Variants in COMMD1 observed in about 807,000 individuals in gnomAD.
COMMD1 encodes the protein COMM domain-containing protein 1.
COMMD1 carries 10 observed loss-of-function variants against 17.2 expected under a neutral mutation model. That is an observed-to-expected ratio of 0.58 (90% CI 0.36 to 0.99). The LOEUF (loss-of-function observed/expected upper bound fraction) is 0.99, where lower values mean the gene tolerates loss of function less well. Among genes scored for constraint, COMMD1 ranks in the 50% least tolerant of loss-of-function variants. COMMD1 has a pLI of 0.01. For synonymous variants in COMMD1, 97 were observed against 91.6 expected (o/e 1.06, Z -0.34); for missense variants, 270 against 231.8 (o/e 1.17, Z -1.07).
At chr2:61,973,885 C>T (rs1020385434) in intron 1 of COMMD1, among the ~76,000 whole-genome samples, 1 of 152,220 alleles carries the variant, frequency 6.6e-6, no homozygotes, top group African/African-American at 2.4e-5. Flanking sequence ...ATCCCATCAT[C>T]CTATCAACAC....
At chr2:62,000,431 A>G (rs574195161) in intron 1 of COMMD1, among the ~76,000 whole-genome samples, 2 of 151,876 alleles carry the variant, frequency 1.3e-5, no homozygotes, top group Non-Finnish European at 2.9e-5. Flanking sequence ...CTGTTATTGC[A>G]TATATACCAC....
chr2:62,018,377 A>G (rs1669512714), intron 2 of COMMD1, among the ~76,000 whole-genome samples: 2 of 152,234 alleles, frequency 1.3e-5, no homozygotes, highest in Admixed American at 6.5e-5. Flanking sequence ...TAAAAGTAGT[A>G]CTTTGTTACT....
upstream of COMMD1, among the ~76,000 whole-genome samples, chr2:61,904,162 C>A (rs1393523083): frequency 1.3e-5 from 2 of 152,108 alleles, no homozygotes; most frequent in African/African-American, 4.8e-5. Context: ...AGGCGCCCGC[C>A]ACTAGGCCCG....
chr2:62,057,088 C>T (rs2103930682), intron 2 of COMMD1, among the ~76,000 whole-genome samples: 2 of 152,276 alleles, frequency 1.3e-5, no homozygotes, highest in African/African-American at 4.8e-5. Flanking sequence ...AATCCTGCAA[C>T]TAAATGGGAC....
chr2:61,960,030 G>A (rs1671297475), intron 1 of COMMD1, among the ~76,000 whole-genome samples: 1 of 152,148 alleles, frequency 6.6e-6, no homozygotes, highest in African/African-American at 2.4e-5. Context: ...CTCCAAATAA[G>A]GAATGGCATG....
intron 1 of COMMD1, among the ~76,000 whole-genome samples, chr2:61,940,041 T>G (rs1670703147): frequency 2.0e-5 from 3 of 151,946 alleles, no homozygotes; most frequent in Admixed American, 2.0e-4. Context: ...CAAGCCAATA[T>G]TCCATAACAA....
intron 2 of COMMD1, among the ~76,000 whole-genome samples, chr2:62,031,614 T>C (rs148678507): frequency 3.9e-5 from 6 of 152,362 alleles, no homozygotes; most frequent in African/African-American, 7.2e-5. Context: ...TCATCTTACA[T>C]TGGGCTCGTC....
At position 61,990,128 on chromosome 2, in the gene COMMD1, G is replaced by C. The variant is rs149947724; in HGVS notation, c.181-10573G>C. Among the ~76,000 whole-genome samples, 1,066 of 152,312 alleles carry C rather than the reference G, an allele frequency of 7.0e-3. 13 individuals are homozygous for C. The highest frequency in any genetic ancestry group is 0.02 in the Middle Eastern group (6 of 294). On this transcript the variant is annotated intron_variant, in intron 1 of 2. Transcript: ENST00000311832. ...AGCCTAGGCAAAAGCCAAGAGGATA[G>C]AGATAGAATATACACTTAAGAGCTA...
Position 62,118,416 on chromosome 2 carries a change from C to G in COMMD1, c.463-17415C>G, listed in dbSNP as rs143222389. On this transcript the variant is annotated intron_variant, in intron 2 of 2. Transcript: ENST00000311832. Reference sequence around the variant, plus strand: ...CAACTTTAGATAATAAAGCAACCTCCTATCTTCCTGTCTGTCTAACACCAC... The same window carrying G: ...CAACTTTAGATAATAAAGCAACCTCGTATCTTCCTGTCTGTCTAACACCAC... 3.3e-5 allele frequency: 5 copies of G among 152,338 alleles called. 1 individual carries two copies. Among genetic ancestry groups the G allele is most frequent in the Middle Eastern group, 6.8e-3 (2 of 294 alleles). 9.4% of individuals were successfully genotyped at this position (152,338 alleles called of 1,614,324 possible). A position where few individuals can be genotyped will look rare whatever the true frequency, so the allele number is the denominator to read the frequency against.
chr2:61,888,439 G>C, upstream of COMMD1: 2 of 1,612,410 alleles, frequency 1.2e-6, no homozygotes, highest in South Asian at 1.1e-5. Flanking sequence ...GGTCCTGATA[G>C]GCGCCTTTCC....
chr2:62,063,173 C>T (rs1419451731), intron 2 of COMMD1, among the ~76,000 whole-genome samples: 3 of 152,108 alleles, frequency 2.0e-5, no homozygotes, highest in Non-Finnish European at 2.9e-5. Flanking sequence ...GCCGAGATCG[C>T]ACCACTGCAC....
At position 61,928,441 on chromosome 2, in the gene COMMD1, G is replaced by A. The variant is rs1028244134; in HGVS notation, c.180+22583G>A. ...CTCCTAAAGTGCTGGGATTACAGGT[G>A]TGAACCACCATGCCCGGCCCAGGGA... is the stretch of plus-strand genomic sequence containing the variant. On this transcript the variant is annotated intron_variant, in intron 1 of 2. Transcript: ENST00000311832. Among the ~76,000 whole-genome samples, 3 of 152,100 alleles carry A rather than the reference G, an allele frequency of 2.0e-5. No homozygotes were observed. In the South Asian group the frequency reaches 6.2e-4, roughly 31 times the overall value.
At chr2:61,980,600 G>GT (rs1333194039) in intron 1 of COMMD1, among the ~76,000 whole-genome samples, 4 of 143,316 alleles carry the variant, frequency 2.8e-5, no homozygotes, top group Admixed American at 7.2e-5. Context: ...GGGGTTGTTT[G>GT]TTTTTTTGTT....
chr2:62,033,401 A>C (rs990237965), intron 2 of COMMD1, among the ~76,000 whole-genome samples: 2 of 152,162 alleles, frequency 1.3e-5, no homozygotes, highest in South Asian at 4.1e-4. Context: ...TTTTGGAATG[A>C]AAATGTTGAA....
chr2:61,990,352 G>A (rs1672214957), intron 1 of COMMD1, among the ~76,000 whole-genome samples: 1 of 152,248 alleles, frequency 6.6e-6, no homozygotes, highest in African/African-American at 2.4e-5. Context: ...ATTAAGCTTT[G>A]TATTTAGAGA....
At chr2:61,931,184 T>C (rs1056795828) in intron 1 of COMMD1, among the ~76,000 whole-genome samples, 2 of 151,988 alleles carry the variant, frequency 1.3e-5, no homozygotes, top group African/African-American at 4.8e-5. Context: ...TGGTGGTGCG[T>C]GCCTGTAGTC....
upstream of COMMD1, among the ~76,000 whole-genome samples, chr2:61,902,566 A>G (rs545094948): frequency 3.1e-4 from 47 of 152,284 alleles, no homozygotes; most frequent in African/African-American, 1.1e-3. Context: ...AAAATGGACA[A>G]GGAAATAGGA....
intron 1 of COMMD1, among the ~76,000 whole-genome samples, chr2:61,995,161 G>C (rs916324045): frequency 6.6e-6 from 1 of 151,988 alleles, no homozygotes; most frequent in Admixed American, 6.6e-5. Flanking sequence ...TTCCAGGCTG[G>C]TCATTGTCAA....
At chr2:61,905,527 AGCTGTAAGCTGCCAACTCTGACC>A, upstream of COMMD1, 4 of 689,828 alleles carry the variant, frequency 5.8e-6, no homozygotes, top group African/African-American at 1.8e-5. Flanking sequence ...TGCAGAGCAA[AGCTGTAAGCTGCCAACTCTGACC>A]CCTGGGGAAG....
Sources: gnomAD v4.1 joint callset for allele counts (sites outside exome capture counted in the v4.1 genomes callset) on GRCh38, gnomAD v4.1.1 for gene constraint, MANE v1.5 for transcripts, NCBI Gene and HGNC (gene_info 2026-07-23, HGNC 2026-07-21) for gene names.